The following FRMD4A variants were observed in gnomAD, a reference collection of about 807,000 sequenced individuals.
FRMD4A encodes the protein FERM domain containing 4A.
Under a neutral mutation model 129.1 loss-of-function variants are expected in FRMD4A, and 29 were observed. The observed-to-expected ratio is 0.22, with a 90% CI of 0.17 to 0.31. The LOEUF (loss-of-function observed/expected upper bound fraction) is 0.31, where lower values mean the gene tolerates loss of function less well. Among genes scored for constraint, FRMD4A ranks in the 10% least tolerant of loss-of-function variants. FRMD4A has a pLI of 1.00. For missense variants in FRMD4A, 1,272 were observed against 1,375.8 expected, an observed-to-expected ratio of 0.92 and a Z score of 1.19; for synonymous variants, 634 against 571.6, an observed-to-expected ratio of 1.11 and a Z score of -1.56.
At chr10:14,248,151 C>T (rs1844310833) in intron 2 of FRMD4A, among the ~76,000 whole-genome samples, 1 of 151,756 alleles carries the variant, frequency 6.6e-6, no homozygotes, top group African/African-American at 2.4e-5. Flanking sequence ...GGCATAAGTG[C>T]CTTGTAAACA....
In FRMD4A at chr10:13,657,387, C is replaced by T; in HGVS notation, c.2202G>A (p.Arg734=). The change falls in exon 22 of 25, where the codon CGG becomes CGA. Residue 734 remains arginine, a synonymous_variant. Coordinates refer to ENST00000357447, the MANE Select transcript of FRMD4A (RefSeq NM_018027.5). ...DTGSPDFYTP[R]TRSSNGSDPM... is the part of the protein sequence containing the mutation. ...GGTCTGAGCCGTTGCTGCTACGAGT[C>T]CGCGGGGTGTAGAAGTCGGGGCTCC... The T allele has an allele frequency of 6.2e-7, 1 of 1,612,830 alleles. No individual in the cohort carries two copies. Among genetic ancestry groups the T allele is most frequent in the South Asian group, 1.1e-5 (1 of 91,066 alleles).
At chr10:14,220,812 TTG>T (rs60118766) in intron 2 of FRMD4A, among the ~76,000 whole-genome samples, 2,817 of 45,332 alleles carry the variant, frequency 0.062, 43 homozygotes, top group Middle Eastern at 0.12. Flanking sequence ...GTGTGTGTGT[TTG>T]TGTGTGTGTG....
At chr10:13,837,157 C>G (rs2093889762) in intron 3 of FRMD4A, among the ~76,000 whole-genome samples, 1 of 152,194 alleles carries the variant, frequency 6.6e-6, no homozygotes, top group Non-Finnish European at 1.5e-5. Context: ...GCAGACCCCT[C>G]TCCAGCACAT....
chr10:14,136,805 G>A (rs1228478679), intron 2 of FRMD4A, among the ~76,000 whole-genome samples: 3 of 152,068 alleles, frequency 2.0e-5, no homozygotes, highest in African/African-American at 7.2e-5. Context: ...ACCACCTTGG[G>A]CACATGTCAT....
intron 2 of FRMD4A, among the ~76,000 whole-genome samples, chr10:13,942,476 C>T (rs2095299905): frequency 6.6e-6 from 1 of 152,154 alleles, no homozygotes; most frequent in Non-Finnish European, 1.5e-5. Flanking sequence ...CTGAGGCCAG[C>T]CCAGACTCTT....
chr10:14,222,335 C>T (rs764494422), intron 2 of FRMD4A, among the ~76,000 whole-genome samples: 2 of 152,150 alleles, frequency 1.3e-5, no homozygotes, highest in Non-Finnish European at 2.9e-5. Flanking sequence ...TAGCTTTGAA[C>T]GTGGAAGTAG....
At chr10:14,026,361 G>C (rs1317615856) in intron 2 of FRMD4A, among the ~76,000 whole-genome samples, 1 of 152,140 alleles carries the variant, frequency 6.6e-6, no homozygotes, top group Non-Finnish European at 1.5e-5. Context: ...TAAAGAAATG[G>C]ACAAAAAGCA....
chr10:13,663,316 T>G, intron 19 of FRMD4A, 137 bp downstream of exon 19: 1 of 632,470 alleles, frequency 1.6e-6, no homozygotes, highest in Non-Finnish European at 2.9e-6. Context: ...TACTGGGAAA[T>G]GAGAGAGCTT....
chr10:14,149,161 T>G (rs1233910358), intron 2 of FRMD4A, among the ~76,000 whole-genome samples: 1 of 152,184 alleles, frequency 6.6e-6, no homozygotes, highest in African/African-American at 2.4e-5. Context: ...AGACCATTGT[T>G]TTTATAGAAA....
intron 2 of FRMD4A, among the ~76,000 whole-genome samples, chr10:13,860,481 C>T (rs946005297): frequency 4.6e-5 from 7 of 152,178 alleles, no homozygotes; most frequent in African/African-American, 1.7e-4. Flanking sequence ...ACATAAGTTT[C>T]CTTCCTTGTA....
At chr10:13,653,326 CAACGTGGTGAA>C (rs1474380060) in intron 23 of FRMD4A, 1 of 152,254 alleles carries the variant, frequency 6.6e-6, no homozygotes, top group Non-Finnish European at 1.5e-5. Context: ...CCAGCCTGGC[CAACGTGGTGAA>C]ACCCTGTCTC....
chr10:14,254,259 C>A (rs1197790231), intron 2 of FRMD4A, among the ~76,000 whole-genome samples: 2 of 152,218 alleles, frequency 1.3e-5, no homozygotes, highest in Non-Finnish European at 1.5e-5. Context: ...CATCACTATA[C>A]ACCCTTAGGT....
At chr10:13,738,172 G>A (rs1011296098) in intron 11 of FRMD4A, among the ~76,000 whole-genome samples, 5 of 152,094 alleles carry the variant, frequency 3.3e-5, no homozygotes, top group East Asian at 1.9e-4. Flanking sequence ...TTAATCAGCC[G>A]CACAGCCGAG....
chr10:13,749,704 TG>T (rs2091472791), intron 8 of FRMD4A, among the ~76,000 whole-genome samples: 1 of 152,036 alleles, frequency 6.6e-6, no homozygotes, highest in Non-Finnish European at 1.5e-5. Flanking sequence ...TAAGAAAGAA[TG>T]AGGCCAGGCG....
chr10:13,783,190 A>T (rs528964432), intron 5 of FRMD4A, among the ~76,000 whole-genome samples, 184 bp from the exon 6 acceptor site: 24 of 152,352 alleles, frequency 1.6e-4, no homozygotes, highest in Admixed American at 9.8e-4. Context: ...TGGAGTTTTG[A>T]TAGTGGCTTA....
intron 19 of FRMD4A, among the ~76,000 whole-genome samples, chr10:13,661,446 T>G (rs1589250588): frequency 6.6e-6 from 1 of 151,474 alleles, no homozygotes; most frequent in Non-Finnish European, 1.5e-5. Flanking sequence ...CAGGGGCTGG[T>G]GAGGAGGGGC....
intron 2 of FRMD4A, chr10:13,890,715 G>A (rs769376610): frequency 2.0e-4 from 196 of 985,246 alleles, no homozygotes; most frequent in Admixed American, 3.1e-4. Context: ...GGGAGCCAGA[G>A]CCGCATCCAT....
chr10:14,010,664 CT>C (rs779471389), intron 2 of FRMD4A, among the ~76,000 whole-genome samples: 4,810 of 76,298 alleles, frequency 0.063, 285 homozygotes, highest in East Asian at 0.33. Flanking sequence ...GAGTTTAGGT[CT>C]TTTTTTTTTT....
intron 2 of FRMD4A, among the ~76,000 whole-genome samples, chr10:13,867,772 GA>G (rs1436771055): frequency 3.6e-5 from 4 of 110,284 alleles, no homozygotes; most frequent in African/African-American, 1.5e-4. Flanking sequence ...AATATAATAT[GA>G]TATATAATAA....
Sources: allele counts gnomAD v4.1 joint callset (sites outside exome capture counted in the v4.1 genomes callset), GRCh38; gene constraint gnomAD v4.1.1; transcripts MANE v1.5; gene names NCBI Gene and HGNC (gene_info 2026-07-23, HGNC 2026-07-21).